Variants in MARCHF1 observed in about 807,000 individuals in gnomAD.
MARCHF1 encodes the protein membrane associated ring-CH-type finger 1.
Under a neutral mutation model 54.2 loss-of-function variants are expected in MARCHF1, and 40 were observed. The observed-to-expected ratio is 0.74, with a 90% CI of 0.57 to 0.96. The LOEUF is 0.96. MARCHF1 is among the 40% of genes least tolerant of loss of function. MARCHF1 has a pLI of 0.00. For synonymous variants in MARCHF1, 236 were observed against 236.3 expected, an observed-to-expected ratio of 1.00 and a Z score of 0.01; for missense variants, 586 against 656.5, an observed-to-expected ratio of 0.89 and a Z score of 1.17.
intron 1 of MARCHF1, among the ~76,000 whole-genome samples, chr4:164,142,229 G>T (rs11100537): frequency 3.9e-5 from 6 of 152,020 alleles, no homozygotes; most frequent in African/African-American, 4.8e-5. Context: ...CTGCAAGGCC[G>T]CAGCCAGGCT....
chr4:163,826,822 G>A (rs1293217714), intron 4 of MARCHF1, among the ~76,000 whole-genome samples: 3 of 151,880 alleles, frequency 2.0e-5, no homozygotes, highest in Admixed American at 6.6e-5. Flanking sequence ...ATTCTGGCAG[G>A]GGCTAGAAAG....
At chr4:163,881,443 C>G (rs1174114291) in intron 3 of MARCHF1, among the ~76,000 whole-genome samples, 1 of 151,954 alleles carries the variant, frequency 6.6e-6, no homozygotes, top group African/African-American at 2.4e-5. Context: ...TGCACTCCAG[C>G]CTGGGCAACA....
At chr4:163,864,988 AGTT>A (rs1443454013) in intron 3 of MARCHF1, among the ~76,000 whole-genome samples, 2 of 151,922 alleles carry the variant, frequency 1.3e-5, no homozygotes, top group Non-Finnish European at 2.9e-5. Flanking sequence ...GTGAAATAAA[AGTT>A]GTTTCATTTT....
intron 5 of MARCHF1, among the ~76,000 whole-genome samples, chr4:163,665,635 G>A (rs1743506989): frequency 6.6e-6 from 1 of 152,038 alleles, no homozygotes; most frequent in African/African-American, 2.4e-5. Flanking sequence ...CTGTGAACTA[G>A]TCCCCTTTAT....
intron 1 of MARCHF1, among the ~76,000 whole-genome samples, chr4:164,357,468 T>A (rs1486199597): frequency 1.3e-5 from 2 of 152,126 alleles, no homozygotes; most frequent in Non-Finnish European, 2.9e-5. Context: ...CATCTCAAGA[T>A]CCTTAATTTA....
intron 1 of MARCHF1, among the ~76,000 whole-genome samples, chr4:164,314,063 T>G (rs1048038135): frequency 6.6e-6 from 1 of 152,244 alleles, no homozygotes; most frequent in Non-Finnish European, 1.5e-5. Context: ...GTTTCGAAGG[T>G]AGAGCTAAAT....
At chr4:164,372,460 A>G (rs1731062962) in intron 1 of MARCHF1, among the ~76,000 whole-genome samples, 1 of 152,182 alleles carries the variant, frequency 6.6e-6, no homozygotes. Flanking sequence ...ATTTCTGGAA[A>G]GAAGTCAATA....
In MARCHF1 at chr4:163,585,893, G is replaced by A; in HGVS notation, c.1047C>T (p.Leu349=). The A allele has an allele frequency of 6.2e-7, 1 of 1,613,074 alleles. No individual in the cohort carries two copies. The highest frequency in any genetic ancestry group is 8.5e-7 in the Non-Finnish European group (1 of 1,179,676). ...CHCEGDEESP[L]ITPCRCTGTL... is the part of the protein sequence containing the mutation. ...TCCCAGTGCAGCGACAGGGTGTGAT[G>A]AGGGGGCTCTCTTCATCCCCTTCGC... The change falls in exon 8 of 10, where the codon CTC becomes CTT. Residue 349 remains leucine, a synonymous_variant. Coordinates refer to ENST00000514618, the MANE Select transcript of MARCHF1 (RefSeq NM_001394959.1).
intron 4 of MARCHF1, among the ~76,000 whole-genome samples, chr4:163,732,870 A>G (rs926674181): frequency 2.0e-5 from 3 of 151,976 alleles, no homozygotes; most frequent in African/African-American, 7.2e-5. Context: ...ATGTTAAAGA[A>G]GCCGGATGCG....
intron 9 of MARCHF1, among the ~76,000 whole-genome samples, chr4:163,544,491 T>C (rs957611332): frequency 1.3e-5 from 2 of 152,150 alleles, no homozygotes; most frequent in African/African-American, 4.8e-5. Context: ...CCACAATTCC[T>C]ATCGTGGGTC....
intron 5 of MARCHF1, among the ~76,000 whole-genome samples, chr4:163,626,743 A>G (rs1741884256): frequency 6.6e-6 from 1 of 152,154 alleles, no homozygotes; most frequent in Non-Finnish European, 1.5e-5. Context: ...CCTGGCCAAC[A>G]TGGTGAAACC....
intron 1 of MARCHF1, among the ~76,000 whole-genome samples, chr4:164,168,749 C>T (rs1008898607): frequency 6.6e-6 from 1 of 151,966 alleles, no homozygotes; most frequent in African/African-American, 2.4e-5. Context: ...GGGTGCCAAC[C>T]TTATCCACAG....
chr4:163,686,833 A>C (rs1372645647), intron 5 of MARCHF1, among the ~76,000 whole-genome samples: 2 of 152,128 alleles, frequency 1.3e-5, no homozygotes, highest in African/African-American at 4.8e-5. Flanking sequence ...AAATATGATA[A>C]CCAAATGAAA....
intron 8 of MARCHF1, among the ~76,000 whole-genome samples, chr4:163,571,246 A>G (rs1739834059): frequency 6.6e-6 from 1 of 152,024 alleles, no homozygotes; most frequent in Non-Finnish European, 1.5e-5. Context: ...TACCACTTTC[A>G]AGTCTGTTTC....
At chr4:164,227,538 G>A (rs1425257861) in intron 1 of MARCHF1, among the ~76,000 whole-genome samples, 2 of 152,124 alleles carry the variant, frequency 1.3e-5, no homozygotes, top group Non-Finnish European at 2.9e-5. Context: ...AAGTTTGGGG[G>A]TGGAGACAAA....
At chr4:164,091,093 GA>G (rs1332500247) in intron 2 of MARCHF1, among the ~76,000 whole-genome samples, 1 of 152,058 alleles carries the variant, frequency 6.6e-6, no homozygotes, top group Non-Finnish European at 1.5e-5. Context: ...GACTGTGAAA[GA>G]AATAAGGTCA....
intron 1 of MARCHF1, among the ~76,000 whole-genome samples, chr4:164,313,063 C>T (rs77179435): frequency 0.018 from 2,743 of 151,038 alleles, 71 homozygotes; most frequent in East Asian, 0.12. Context: ...AGGCTGGGAG[C>T]GGTGGTGGCT....
At position 163,525,898 on chromosome 4, in the gene MARCHF1, A is replaced by G. The variant is rs1738087720; in HGVS notation, c.*2850T>C. 6.6e-6 allele frequency: 1 copy of G among 152,142 alleles called. No homozygotes were observed. Among genetic ancestry groups the G allele is most frequent in the African/African-American group, 2.4e-5 (1 of 41,462 alleles). 9.4% of individuals were successfully genotyped at this position (152,142 alleles called of 1,614,324 possible). ...CATTGCCACACAGAATGTAAAAAGA[A>G]AATAATCAACATTAGATTTTAAATG... is the stretch of plus-strand genomic sequence containing the variant. On this transcript the variant is annotated 3_prime_UTR_variant, in exon 10 of 10. Transcript: ENST00000514618.
chr4:163,711,770 T>C (rs1745110821), intron 4 of MARCHF1, among the ~76,000 whole-genome samples: 2 of 152,338 alleles, frequency 1.3e-5, no homozygotes, highest in South Asian at 2.1e-4. Context: ...CCATGGGGTA[T>C]ACAACTATCT....
Sources: gnomAD v4.1 joint callset for allele counts (sites outside exome capture counted in the v4.1 genomes callset) on GRCh38, gnomAD v4.1.1 for gene constraint, MANE v1.5 for transcripts, NCBI Gene and HGNC (gene_info 2026-07-23, HGNC 2026-07-21) for gene names.